Variants in CLN6 observed in about 807,000 individuals in gnomAD.
CLN6 encodes the protein CLN6 transmembrane ER protein.
In CLN6, 22 loss-of-function variants were observed where a neutral mutation model predicts 33.3. The observed-to-expected ratio is 0.66, with a 90% CI of 0.47 to 0.94. The LOEUF (loss-of-function observed/expected upper bound fraction) is 0.94. Ranked by LOEUF, CLN6 falls within the 40% of genes least tolerant of loss-of-function variation. CLN6 has a pLI of 0.00. For synonymous variants in CLN6, 201 were observed against 174.6 expected, an observed-to-expected ratio of 1.15 and a Z score of -1.19; for missense variants, 387 against 417.1, an observed-to-expected ratio of 0.93 and a Z score of 0.63.
rs542761888 is a variant in CLN6, at chr15:68,219,543, A to C, written c.84-893T>G. ...TTGGTCATCTGCTGTTCACAGATGC[A>C]CTGAAGTTCCAGGACCAGTGCTGCC... is the stretch of plus-strand genomic sequence containing the variant. On this transcript the variant is annotated intron_variant, in intron 1 of 6. Coordinates refer to ENST00000249806, the MANE Select transcript of CLN6 (RefSeq NM_017882.3). This position sits in a 1 kb window ranked among gnomAD's most constrained non-coding sequence, Gnocchi z 4.2. Among the ~76,000 whole-genome samples, 2 of 152,266 alleles carry C rather than the reference A, an allele frequency of 1.3e-5. No homozygotes were observed. The highest frequency in any genetic ancestry group is 4.2e-4 in the South Asian group (2 of 4,814).
rs1336148397 is a variant in CLN6 at position 68,236,462 on chromosome 15, G to A, written c.180-17812C>T. ...TACTGATGTAACATGGTTCAACCTTGGAAACATTATGCTAAGTGAAAAATG... is the reference window on the plus strand; with the variant it reads ...TACTGATGTAACATGGTTCAACCTTAGAAACATTATGCTAAGTGAAAAATG... On this transcript the variant is annotated intron_variant, in intron 1 of 6. Transcript: ENST00000538696. The surrounding 1 kb of genome is among the most constrained non-coding windows in gnomAD (Gnocchi z 4.5). Among the ~76,000 whole-genome samples the A allele has an allele frequency of 1.3e-5, 2 of 152,184 alleles. No homozygotes were observed. Among genetic ancestry groups the A allele is most frequent in the East Asian group, 1.9e-4 (1 of 5,194 alleles).
intron 1 of CLN6, among the ~76,000 whole-genome samples, chr15:68,248,660 A>G (rs192567832): frequency 3.3e-4 from 50 of 152,136 alleles, no homozygotes; most frequent in African/African-American, 1.1e-3. Flanking sequence ...CTCAAAAAAA[A>G]AAAAAAAAAA....
intron 1 of CLN6, among the ~76,000 whole-genome samples, chr15:68,223,588 G>C (rs1393425511): frequency 6.6e-6 from 1 of 152,134 alleles, no homozygotes; most frequent in Non-Finnish European, 1.5e-5. Context: ...AGGAATAAAG[G>C]GATTTTGGAA....
chr15:68,218,544 TG>T lies in CLN6; in HGVS notation c.189del (p.Ile64LeufsTer52). ...CACCATTTCACACTCACCATGGCAA[TG>T]GGACGCCCAAAGTCCAGAACCCAGT... ...LQNWVLDFGR[P>X]IAMLVFPLEW... On this transcript the variant is annotated frameshift_variant, in exon 2 of 7. Transcript: ENST00000249806. LOFTEE classifies it high-confidence loss of function. The T allele has an allele frequency of 6.2e-7, 1 of 1,612,390 alleles. No individual in the cohort carries two copies. The highest frequency in any genetic ancestry group is 8.5e-7 in the Non-Finnish European group (1 of 1,178,538).
intron 1 of CLN6, among the ~76,000 whole-genome samples, chr15:68,244,250 A>C (rs1892307564): frequency 6.6e-6 from 1 of 152,124 alleles, no homozygotes; most frequent in African/African-American, 2.4e-5. Context: ...GACTACCCTA[A>C]GGCATATAAT....
intron 1 of CLN6, among the ~76,000 whole-genome samples, chr15:68,235,952 G>A (rs1191401094): frequency 6.6e-6 from 1 of 152,114 alleles, no homozygotes; most frequent in Non-Finnish European, 1.5e-5. Flanking sequence ...CCATGAATGA[G>A]AACAGATGAC....
intron 1 of CLN6, among the ~76,000 whole-genome samples, chr15:68,235,036 TAAAAC>T (rs1207208553): frequency 1.3e-5 from 2 of 151,988 alleles, no homozygotes; most frequent in Non-Finnish European, 2.9e-5. Flanking sequence ...AAAAAAAGAA[TAAAAC>T]AAAACAAACA....
At position 68,209,211 on chromosome 15, in the gene CLN6, T is replaced by C. The variant is rs1360244877; in HGVS notation, c.665+426A>G. ...AGTGCTTTACATTTGACAAAGCCCC[T>C]CTCTGTCCTCAGCATCCTCATCATC... On this transcript the variant is annotated intron_variant, in intron 6 of 6. Transcript: ENST00000249806. This position sits in a 1 kb window ranked among gnomAD's most constrained non-coding sequence, Gnocchi z 4.9. 6.6e-6 allele frequency among the ~76,000 whole-genome samples: 1 copy of C among 152,114 alleles called. No individual in the cohort carries two copies. Among genetic ancestry groups the C allele is most frequent in the African/African-American group, 2.4e-5 (1 of 41,394 alleles).
chr15:68,209,773 G>C lies in CLN6; in HGVS notation c.543-14C>G. The C allele has an allele frequency of 6.2e-7, 1 of 1,612,522 alleles. No homozygotes were observed. ...AAGGGGATGTACCTGTGACAGGAAG[G>C]CCAGTGTCTTAGAGGCCTGCTCAGC... On this transcript the variant is annotated splice_polypyrimidine_tract_variant and intron_variant, in intron 5 of 6. Transcript: ENST00000249806. The surrounding 1 kb of genome is among the most constrained non-coding windows in gnomAD (Gnocchi z 4.9).
upstream of CLN6, chr15:68,257,195 T>A (rs904219007): frequency 2.2e-5 from 5 of 227,862 alleles, no homozygotes; most frequent in Admixed American, 1.7e-4. Flanking sequence ...GCTGAGGGCT[T>A]GCGCCAGCCC....
In CLN6 at chr15:68,207,983, C is replaced by CAA. The variant is rs765543395; in HGVS notation, c.*156_*157insTT. ...ACTCTGCGCACACATATACAAGACA[C>CAA]ACACACACACACACACGAATCCACG... is the stretch of plus-strand genomic sequence containing the variant. On this transcript the variant is annotated 3_prime_UTR_variant, in exon 7 of 7. Coordinates refer to ENST00000249806, the MANE Select transcript of CLN6 (RefSeq NM_017882.3). 5.2e-6 allele frequency: 1 copy of CAA among 192,794 alleles called. No individual in the cohort carries two copies. The highest frequency in any genetic ancestry group is 7.7e-5 in the Admixed American group (1 of 12,990). 11.9% of individuals were successfully genotyped at this position (192,794 alleles called of 1,614,324 possible). A position where few individuals can be genotyped will look rare whatever the true frequency, so the allele number is the denominator to read the frequency against.
At position 68,214,318 on chromosome 15, in the gene CLN6, T is replaced by C; in HGVS notation, c.269A>G (p.Asn90Ser). ...SVGDYFHMAY[N>S]VITPFLLLKL... ...GAGCAAGAGAAAGGGCGTGATGACG[T>C]TGTAGGCCATGTGGAAGTAGTCCCC... Residue 90 changes from asparagine (N) to serine (S), a missense_variant, in exon 3 of 7, where the codon AAC becomes AGC. By Grantham distance (46) the Asn-to-Ser change is conservative. Transcript: ENST00000249806. 1 of 1,613,936 alleles carries C rather than the reference T, an allele frequency of 6.2e-7. No homozygotes were observed. The highest frequency in any genetic ancestry group is 8.5e-7 in the Non-Finnish European group (1 of 1,179,860).
At position 68,229,363 on chromosome 15, in the gene CLN6, GC is replaced by G. The variant is rs563229729; in HGVS notation, c.83+138del. On this transcript the variant is annotated intron_variant, in intron 1 of 6. Transcript: ENST00000249806. Reference sequence around the variant, plus strand: ...CGCCGCCACGGTAGCGCGCCTCCAAGCCCCCCGCGCTCCGCTCCGCCCCGGC... The same window carrying G: ...CGCCGCCACGGTAGCGCGCCTCCAAGCCCCCGCGCTCCGCTCCGCCCCGGC... 82 of 560,570 alleles carry G rather than the reference GC, an allele frequency of 1.5e-4. 1 individual carries two copies. In the South Asian group the frequency reaches 2.8e-3, roughly 19 times the overall value. 34.7% of individuals were successfully genotyped at this position (560,570 alleles called of 1,614,324 possible). A position where few individuals can be genotyped will look rare whatever the true frequency, so the allele number is the denominator to read the frequency against.
At chr15:68,223,956 C>G (rs11638034) in intron 1 of CLN6, among the ~76,000 whole-genome samples, 84,121 of 151,300 alleles carry the variant, frequency 0.56, 23,994 homozygotes, top group African/African-American at 0.63. Flanking sequence ...TGAGGCAGGA[C>G]AATCACTTAA....
chr15:68,228,742 T>C lies in CLN6; in HGVS notation c.83+760A>G, dbSNP rs147453550. ...ACTCCCACTTGGGCTCTGTCTCTCC[T>C]GATCCCTACAGGACCGTAAGCCTCT... On this transcript the variant is annotated intron_variant, in intron 1 of 6. Transcript: ENST00000249806. The surrounding 1 kb of genome is among the most constrained non-coding windows in gnomAD (Gnocchi z 4.4). 4.2e-3 allele frequency among the ~76,000 whole-genome samples: 633 copies of C among 152,260 alleles called. 5 individuals carry two copies. Among genetic ancestry groups the C allele is most frequent in the African/African-American group, 0.015 (611 of 41,542 alleles).
At chr15:68,254,612 G>GCCGCC in intron 1 of CLN6, 1 of 611,366 alleles carries the variant, frequency 1.6e-6, no homozygotes, top group South Asian at 1.9e-5. Flanking sequence ...CCTATGTCCC[G>GCCGCC]CCGCCGTTGC....
At chr15:68,218,688 T>C (rs773377883) in intron 1 of CLN6, 38 bp from the exon 2 acceptor site, 2 of 1,486,278 alleles carry the variant, frequency 1.3e-6, no homozygotes, top group Non-Finnish European at 1.9e-6. Flanking sequence ...AGCTCTTCTC[T>C]CCTCCTCCAC....
At position 68,210,036 on chromosome 15, in the gene CLN6, G is replaced by A. The variant is rs1275610422; in HGVS notation, c.543-277C>T. On this transcript the variant is annotated intron_variant, in intron 5 of 6. Transcript: ENST00000249806. The surrounding 1 kb of genome is among the most constrained non-coding windows in gnomAD (Gnocchi z 5.6). The stretch of plus-strand genomic sequence containing the variant: ...CACTCACTCCGTGGGGGTAAGGGGT[G>A]TCTGGGGGGTTGTCTGTCTCATGCA... Among the ~76,000 whole-genome samples, 1 of 152,186 alleles carries A rather than the reference G, an allele frequency of 6.6e-6. No individual in the cohort carries two copies. The highest frequency in any genetic ancestry group is 1.5e-5 in the Non-Finnish European group (1 of 68,024).
At chr15:68,244,851 C>T (rs941783820) in intron 1 of CLN6, among the ~76,000 whole-genome samples, 14 of 151,774 alleles carry the variant, frequency 9.2e-5, no homozygotes, top group African/African-American at 3.4e-4. Flanking sequence ...GTCAGGAGTT[C>T]GAGTCCAGCC....
Sources: gnomAD v4.1 joint callset for allele counts (sites outside exome capture counted in the v4.1 genomes callset) on GRCh38, gnomAD v4.1.1 for gene constraint, Gnocchi (gnomAD v3.1) non-coding constraint, MANE v1.5 for transcripts, NCBI Gene and HGNC (gene_info 2026-07-23, HGNC 2026-07-21) for gene names.